MPPED2: variants seen among roughly 807,000 people sequenced by gnomAD.
The protein encoded by MPPED2 is metallophosphoesterase domain containing 2.
A neutral mutation model predicts 33.0 loss-of-function variants in MPPED2; 5 were observed. That is an observed-to-expected ratio of 0.15 (90% CI 0.08 to 0.32). The LOEUF (loss-of-function observed/expected upper bound fraction) is 0.32, where lower values mean the gene tolerates loss of function less well. Among genes scored for constraint, MPPED2 ranks in the 10% least tolerant of loss-of-function variants. MPPED2 has a pLI of 1.00. For synonymous variants in MPPED2, 136 were observed against 141.9 expected (o/e 0.96, Z 0.29); for missense variants, 275 against 372.1 (o/e 0.74, Z 2.15).
At chr11:30,457,233 A>G (rs1037220810) in intron 4 of MPPED2, among the ~76,000 whole-genome samples, 3 of 152,182 alleles carry the variant, frequency 2.0e-5, no homozygotes, top group Non-Finnish European at 2.9e-5. Context: ...GTGGAGACAC[A>G]ATAAGGGAGA....
At chr11:30,583,465 G>A (rs199835781) in intron 1 of MPPED2, among the ~76,000 whole-genome samples, 1 of 151,986 alleles carries the variant, frequency 6.6e-6, no homozygotes, top group Non-Finnish European at 1.5e-5. Context: ...TCAAGAAGCC[G>A]AAAGAAAAAT....
chr11:30,476,972 G>T (rs941483144), intron 4 of MPPED2, among the ~76,000 whole-genome samples: 15 of 151,970 alleles, frequency 9.9e-5, no homozygotes, highest in Admixed American at 6.6e-4. Context: ...AATATTTTAA[G>T]GTTTTGGTGC....
chr11:30,501,481 G>A (rs192766396), intron 3 of MPPED2: 85 of 210,538 alleles, frequency 4.0e-4, no homozygotes, highest in African/African-American at 1.8e-3. Context: ...TCCTAACCTC[G>A]CACAATGTAT....
At chr11:30,429,559 C>T (rs1948989198) in intron 4 of MPPED2, among the ~76,000 whole-genome samples, 1 of 152,204 alleles carries the variant, frequency 6.6e-6, no homozygotes, top group South Asian at 2.1e-4. Context: ...GTGTCTCCCT[C>T]ACTGTGTGCC....
chr11:30,565,290 A>G (rs187090067), intron 2 of MPPED2, among the ~76,000 whole-genome samples: 1 of 152,212 alleles, frequency 6.6e-6, no homozygotes, highest in East Asian at 1.9e-4. Context: ...CCGGTTTTCT[A>G]CTTGGCATCC....
downstream of MPPED2, among the ~76,000 whole-genome samples, chr11:30,406,984 T>A (rs903514321): frequency 2.6e-5 from 4 of 152,226 alleles, no homozygotes; most frequent in African/African-American, 9.6e-5. Flanking sequence ...AAGCTGCACA[T>A]CCTTGCTGGA....
At chr11:30,475,804 G>T (rs1951167615) in intron 4 of MPPED2, among the ~76,000 whole-genome samples, 1 of 152,046 alleles carries the variant, frequency 6.6e-6, no homozygotes, top group South Asian at 2.1e-4. Flanking sequence ...CAGTAGATGT[G>T]GGTTGACTTT....
chr11:30,410,696 T>C lies in MPPED2; in HGVS notation c.*772A>G. On this transcript the variant is annotated 3_prime_UTR_variant, in exon 7 of 7. Transcript: ENST00000358117. ...TAATAAACTCCTAACGTAGTCATAA[T>C]ACACAAAAAATACTTATATATATAA... The C allele has an allele frequency of 2.0e-6, 2 of 984,750 alleles. No individual in the cohort carries two copies. Among genetic ancestry groups the C allele is most frequent in the Non-Finnish European group, 2.4e-6 (2 of 828,926 alleles). The allele number at this position is 984,750 out of a possible 1,614,324, so 61.0% of individuals were successfully genotyped here.
At chr11:30,570,407 C>A (rs763284608) in intron 2 of MPPED2, among the ~76,000 whole-genome samples, 6 of 152,038 alleles carry the variant, frequency 3.9e-5, no homozygotes, top group Non-Finnish European at 8.8e-5. Flanking sequence ...TACAAATATT[C>A]AAACCATAGC....
At chr11:30,459,468 T>C (rs1950432065) in intron 4 of MPPED2, among the ~76,000 whole-genome samples, 1 of 152,186 alleles carries the variant, frequency 6.6e-6, no homozygotes, top group Non-Finnish European at 1.5e-5. Flanking sequence ...ACCTAAACTA[T>C]GGCTTTTGAA....
In MPPED2 at chr11:30,547,344, A is replaced by G. The variant is rs529956454; in HGVS notation, c.129-11169T>C. On this transcript the variant is annotated intron_variant, in intron 2 of 6. Coordinates refer to ENST00000358117, the MANE Select transcript of MPPED2 (RefSeq NM_001584.3). The stretch of plus-strand genomic sequence containing the variant: ...AATAACTAAATGTTAGAGCTCTGAT[A>G]GAAGCTTTATTACTACTAACAATCA... Among the ~76,000 whole-genome samples the G allele has an allele frequency of 9.2e-5, 14 of 152,366 alleles. No homozygotes were observed. The Middle Eastern group carries it at 0.01, about 111-fold the overall frequency.
Position 30,430,269 on chromosome 11 carries a change from C to G in MPPED2, c.537-12636G>C, listed in dbSNP as rs767305962. ...ATGATAGCCGTATTTACTGAGCACC[C>G]GAGATGTAGCTAGTCTGAAAACGGA... On this transcript the variant is annotated intron_variant, in intron 4 of 6. Transcript: ENST00000358117. Among the ~76,000 whole-genome samples the G allele has an allele frequency of 4.0e-5, 6 of 151,868 alleles. No individual in the cohort carries two copies. In the East Asian group the frequency reaches 9.7e-4, roughly 24 times the overall value.
chr11:30,411,333 T>C lies in MPPED2; in HGVS notation c.*135A>G. 6 of 1,359,680 alleles carry C rather than the reference T, an allele frequency of 4.4e-6. No individual in the cohort carries two copies. Among genetic ancestry groups the C allele is most frequent in the Non-Finnish European group, 5.7e-6 (6 of 1,044,596 alleles). The allele number at this position is 1,359,680 out of a possible 1,614,324, so 84.2% of individuals were successfully genotyped here. Reference sequence around the variant, plus strand: ...AAAATAAAATAAGAAGCACAACCTCTAGCATCATTTGTGTTCCAACAATTT... The same window carrying C: ...AAAATAAAATAAGAAGCACAACCTCCAGCATCATTTGTGTTCCAACAATTT... On this transcript the variant is annotated 3_prime_UTR_variant, in exon 7 of 7. Coordinates refer to ENST00000358117, the MANE Select transcript of MPPED2 (RefSeq NM_001584.3).
chr11:30,385,652 T>C (rs1947694477), exon 7 of MPPED2: 1 of 148,938 alleles, frequency 6.7e-6, no homozygotes. Context: ...AGTTAGCACC[T>C]GCCTCATCCC....
rs182147594 is a variant in MPPED2 at position 30,557,495 on chromosome 11, G to T, written c.129-21320C>A. Among the ~76,000 whole-genome samples, 154 of 152,232 alleles carry T rather than the reference G, an allele frequency of 1.0e-3. No homozygotes were observed. In the East Asian group the frequency reaches 0.013, roughly 13 times the overall value. ...CTCTCACTATTGTATAATAAACAGA[G>T]CTATAATTCATGTTTATTTACAAAT... On this transcript the variant is annotated intron_variant, in intron 2 of 6. Transcript: ENST00000358117.
chr11:30,581,860 A>G (rs1957184026), intron 1 of MPPED2, among the ~76,000 whole-genome samples: 1 of 152,158 alleles, frequency 6.6e-6, no homozygotes, highest in African/African-American at 2.4e-5. Context: ...CTGCCAAGAG[A>G]TGAATCCCCG....
chr11:30,583,278 G>T (rs915850559), intron 1 of MPPED2, among the ~76,000 whole-genome samples: 1 of 150,834 alleles, frequency 6.6e-6, no homozygotes, highest in African/African-American at 2.4e-5. Flanking sequence ...CTATCAAGAA[G>T]ATGTATATTT....
chr11:30,540,527 T>C (rs1034281844), intron 2 of MPPED2, among the ~76,000 whole-genome samples: 3 of 152,202 alleles, frequency 2.0e-5, no homozygotes, highest in Non-Finnish European at 4.4e-5. Context: ...TTAGTATTTT[T>C]TTTTTACTAG....
chr11:30,418,728 G>T (rs1045091477), intron 4 of MPPED2, among the ~76,000 whole-genome samples: 1 of 152,194 alleles, frequency 6.6e-6, no homozygotes, highest in Non-Finnish European at 1.5e-5. Flanking sequence ...TGTGTATAAA[G>T]TGACCCTAAC....
Sources: allele counts gnomAD v4.1 joint callset (sites outside exome capture counted in the v4.1 genomes callset), GRCh38; gene constraint gnomAD v4.1.1; transcripts MANE v1.5; gene names NCBI Gene and HGNC (gene_info 2026-07-23, HGNC 2026-07-21).